Variants in OR52I2 observed in about 807,000 individuals in gnomAD.
The protein encoded by OR52I2 is olfactory receptor family 52 subfamily I member 2, also known as olfactory receptor 52I2.
For synonymous variants in OR52I2, 147 were observed against 151.9 expected (o/e 0.97, Z 0.24); for missense variants, 350 against 402.4 (o/e 0.87, Z 1.11).
At chr11:4,588,927 A>G (rs1846330416) in exon 2 of OR52I2, 1 of 152,202 alleles carries the variant, frequency 6.6e-6, no homozygotes, top group Admixed American at 6.5e-5. Flanking sequence ...TAATCTTTGA[A>G]AAGAGCATTT....
At chr11:4,587,938 C>A in exon 2 of OR52I2, 1 of 1,217,398 alleles carries the variant, frequency 8.2e-7, no homozygotes, top group Non-Finnish European at 1.2e-6. Context: ...TTACCTGGTG[C>A]TACAGGAATT....
exon 2 of OR52I2, chr11:4,587,931 C>T: frequency 7.7e-7 from 1 of 1,292,718 alleles, no homozygotes; most frequent in Non-Finnish European, 1.1e-6. Context: ...GCTTAGTTTA[C>T]CTGGTGCTAC....
exon 2 of OR52I2, chr11:4,587,877 GTTCAGATCCAGCCAAT>G: frequency 1.9e-6 from 3 of 1,603,538 alleles, no homozygotes; most frequent in Non-Finnish European, 2.6e-6. Flanking sequence ...CACAATATCT[GTTCAGATCCAGCCAAT>G]TTCAAAGATG....
chr11:4,591,731 T>C (rs1846352022), exon 2 of OR52I2: 1 of 152,202 alleles, frequency 6.6e-6, no homozygotes, highest in African/African-American at 2.4e-5. Context: ...CTATCCTTAA[T>C]CTGAATTCAG....
intron 1 of OR52I2, among the ~76,000 whole-genome samples, chr11:4,585,580 A>T (rs891884488): frequency 2.0e-5 from 3 of 152,204 alleles, no homozygotes; most frequent in African/African-American, 4.8e-5. Context: ...TGGATGGTGA[A>T]TGCAGCAATA....
intron 1 of OR52I2, among the ~76,000 whole-genome samples, chr11:4,583,935 G>A (rs1388035044): frequency 6.6e-6 from 1 of 152,144 alleles, no homozygotes; most frequent in African/African-American, 2.4e-5. Flanking sequence ...TTAAGAACCT[G>A]GTAAATGTTC....
chr11:4,586,331 T>A (rs1451843403), intron 1 of OR52I2, among the ~76,000 whole-genome samples: 2 of 152,182 alleles, frequency 1.3e-5, no homozygotes, highest in African/African-American at 4.8e-5. Context: ...AAGTTTTTGT[T>A]CATATAACAA....
At chr11:4,590,384 T>C (rs541790995) in exon 2 of OR52I2, 21 of 152,316 alleles carry the variant, frequency 1.4e-4, no homozygotes, top group African/African-American at 4.3e-4. Context: ...AATAGGCTGA[T>C]TGAAATAAAT....
chr11:4,587,852 A>G (rs150568011), exon 2 of OR52I2: 2 of 1,613,498 alleles, frequency 1.2e-6, no homozygotes, highest in South Asian at 1.1e-5. Flanking sequence ...GACCATTCCA[A>G]CCTGGGTTCA....
intron 1 of OR52I2, among the ~76,000 whole-genome samples, chr11:4,584,138 G>A (rs558615382): frequency 6.6e-6 from 1 of 152,294 alleles, no homozygotes; most frequent in East Asian, 1.9e-4. Context: ...CCTTTATTCA[G>A]GAGAGGCACA....
intron 1 of OR52I2, among the ~76,000 whole-genome samples, chr11:4,586,273 T>A (rs1216010067): frequency 3.3e-5 from 5 of 152,198 alleles, no homozygotes; most frequent in East Asian, 1.9e-4. Context: ...CATATTTTTT[T>A]ATAGGCACTG....
chr11:4,582,326 C>A (rs1850224372), intron 1 of OR52I2, among the ~76,000 whole-genome samples: 1 of 151,910 alleles, frequency 6.6e-6, no homozygotes, highest in South Asian at 2.1e-4. Context: ...GAATTATGTA[C>A]TTCCCACTCT....
exon 2 of OR52I2, chr11:4,587,312 C>T (rs1847632): frequency 0.31 from 494,168 of 1,611,268 alleles, 80,874 homozygotes; most frequent in East Asian, 0.62. Context: ...AGAATTCTCA[C>T]GCCTCAAGTG....
chr11:4,587,659 C>G (rs1414520360), exon 2 of OR52I2: 3 of 1,614,152 alleles, frequency 1.9e-6, no homozygotes, highest in Admixed American at 3.3e-5. Flanking sequence ...TTTGTACTAT[C>G]TACCTGGGAT....
chr11:4,586,776 C>G (rs377292270), intron 1 of OR52I2, 96 bp from the exon 2 acceptor site: 1 of 1,570,450 alleles, frequency 6.4e-7, no homozygotes, highest in East Asian at 2.2e-5. Flanking sequence ...GAGATTACCA[C>G]CAAGCTGAGA....
intron 1 of OR52I2, among the ~76,000 whole-genome samples, chr11:4,583,217 A>G (rs1158938841): frequency 2.6e-5 from 4 of 152,234 alleles, no homozygotes; most frequent in Non-Finnish European, 5.9e-5. Flanking sequence ...TGAAAAGATT[A>G]CTAACAATTA....
chr11:4,585,220 A>G (rs1342119044), intron 1 of OR52I2, among the ~76,000 whole-genome samples: 2 of 152,170 alleles, frequency 1.3e-5, no homozygotes, highest in African/African-American at 2.4e-5. Context: ...TGATGTAGGA[A>G]CAGTACCACA....
exon 2 of OR52I2, chr11:4,586,989 C>G: frequency 1.2e-6 from 2 of 1,613,878 alleles, no homozygotes; most frequent in Non-Finnish European, 1.7e-6. Context: ...GGCTGGCTAT[C>G]TCACTGAGTG....
At chr11:4,587,113 A>G (rs1846308482) in exon 2 of OR52I2, 1 of 1,614,036 alleles carries the variant, frequency 6.2e-7, no homozygotes, top group Non-Finnish European at 8.5e-7. Flanking sequence ...TGCTGTGGAC[A>G]TTGTTATGGC....
Sources: allele counts gnomAD v4.1 joint callset (sites outside exome capture counted in the v4.1 genomes callset), GRCh38; gene constraint gnomAD v4.1.1; transcripts MANE v1.5; gene names NCBI Gene and HGNC (gene_info 2026-07-23, HGNC 2026-07-21).